SDK1: variants seen among roughly 807,000 people sequenced by gnomAD.
SDK1 encodes protein sidekick-1.
A neutral mutation model predicts 245.5 loss-of-function variants in SDK1; 157 were observed. That is an observed-to-expected ratio of 0.64 (90% confidence interval 0.56 to 0.73). The LOEUF (loss-of-function observed/expected upper bound fraction) is 0.73, where lower values mean the gene tolerates loss of function less well. Among genes scored for constraint, SDK1 ranks in the 30% least tolerant of loss-of-function variants. SDK1 has a pLI of 0.00. For synonymous variants in SDK1, 1,647 were observed against 1,278.5 expected (o/e 1.29, Z -6.15); for missense variants, 3,583 against 3,002.3 (o/e 1.19, Z -4.52).
chr7:3,328,401 A>T (rs1779986547), intron 1 of SDK1, among the ~76,000 whole-genome samples: 1 of 152,092 alleles, frequency 6.6e-6, no homozygotes, highest in East Asian at 1.9e-4. Flanking sequence ...TGATGATTTC[A>T]TTTTAGATCA....
At chr7:3,594,302 C>T (rs1270243291) in intron 1 of SDK1, among the ~76,000 whole-genome samples, 2 of 152,198 alleles carry the variant, frequency 1.3e-5, no homozygotes, top group African/African-American at 4.8e-5. Flanking sequence ...CTTTTTATTG[C>T]AGATTAATAA....
At chr7:3,308,239 A>C (rs896601878) in intron 1 of SDK1, among the ~76,000 whole-genome samples, 4 of 152,152 alleles carry the variant, frequency 2.6e-5, no homozygotes, top group East Asian at 1.9e-4. Context: ...AAGGCTAACA[A>C]ATCTGGAGGT....
chr7:4,262,236 C>T (rs1018132357), intron 44 of SDK1, among the ~76,000 whole-genome samples: 2 of 151,334 alleles, frequency 1.3e-5, no homozygotes, highest in Non-Finnish European at 2.9e-5. Context: ...ACAGGTTTCA[C>T]CGTGTTGGAC....
chr7:4,156,577 G>A (rs2128210521), intron 30 of SDK1, among the ~76,000 whole-genome samples: 1 of 152,356 alleles, frequency 6.6e-6, no homozygotes, highest in Admixed American at 6.5e-5. Context: ...TGAGGTGTGA[G>A]CTGGTAGAGA....
intron 32 of SDK1, among the ~76,000 whole-genome samples, chr7:4,168,885 C>G (rs891224116): frequency 2.6e-5 from 4 of 152,188 alleles, no homozygotes; most frequent in Admixed American, 6.5e-5. Context: ...GGTCTCTCAT[C>G]TTCACTGCCC....
At chr7:3,874,853 T>C (rs1237961557) in intron 5 of SDK1, among the ~76,000 whole-genome samples, 2 of 152,142 alleles carry the variant, frequency 1.3e-5, no homozygotes, top group Non-Finnish European at 2.9e-5. Flanking sequence ...TCCAGGAACA[T>C]AGGGGAGATA....
intron 26 of SDK1, among the ~76,000 whole-genome samples, chr7:4,129,140 G>A (rs1375159759): frequency 7.2e-6 from 1 of 139,718 alleles, no homozygotes; most frequent in East Asian, 2.1e-4. Context: ...CCCTGGAGGA[G>A]AGCAGCTTAG....
At chr7:3,440,589 C>T (rs994768677) in intron 1 of SDK1, among the ~76,000 whole-genome samples, 4 of 152,060 alleles carry the variant, frequency 2.6e-5, no homozygotes, top group African/African-American at 9.7e-5. Context: ...ATAATGACCA[C>T]AAAGTATAGG....
chr7:3,369,596 TCTC>T (rs1370031763), intron 1 of SDK1, among the ~76,000 whole-genome samples: 1 of 152,244 alleles, frequency 6.6e-6, no homozygotes, highest in Non-Finnish European at 1.5e-5. Flanking sequence ...TTCTTTTACA[TCTC>T]CTATTGAAGA....
chr7:3,395,728 G>A (rs562004531), intron 1 of SDK1, among the ~76,000 whole-genome samples: 23 of 151,744 alleles, frequency 1.5e-4, no homozygotes, highest in Non-Finnish European at 3.1e-4. Flanking sequence ...TTGGTCATTC[G>A]TGACTTTTTA....
intron 1 of SDK1, among the ~76,000 whole-genome samples, chr7:3,601,481 T>G (rs940672231): frequency 6.6e-6 from 1 of 152,110 alleles, no homozygotes; most frequent in Non-Finnish European, 1.5e-5. Flanking sequence ...GGTTTCTATC[T>G]TCTAAGCTGT....
intron 13 of SDK1, among the ~76,000 whole-genome samples, chr7:3,979,479 G>C (rs1783226966): frequency 6.6e-6 from 1 of 152,106 alleles, no homozygotes; most frequent in Non-Finnish European, 1.5e-5. Flanking sequence ...GCCTGGACCA[G>C]TGCCAGGTAT....
At chr7:3,931,797 A>C (rs527834594) in intron 5 of SDK1, among the ~76,000 whole-genome samples, 164 of 152,336 alleles carry the variant, frequency 1.1e-3, no homozygotes, top group Non-Finnish European at 1.8e-3. Flanking sequence ...GGTTGAACAG[A>C]GACCAAGTGA....
At chr7:3,974,652 G>A in intron 13 of SDK1, 107 bp downstream of exon 13, 1 of 1,062,578 alleles carries the variant, frequency 9.4e-7, no homozygotes, top group South Asian at 1.6e-5. Context: ...TGTGTCCCAA[G>A]TCAGCGGTCA....
chr7:3,445,049 T>C (rs1780305149), intron 1 of SDK1, among the ~76,000 whole-genome samples: 1 of 152,224 alleles, frequency 6.6e-6, no homozygotes. Flanking sequence ...TAAATTTTGG[T>C]GTATTTATTT....
At chr7:3,652,503 G>T (rs1783041082) in intron 4 of SDK1, among the ~76,000 whole-genome samples, 1 of 152,224 alleles carries the variant, frequency 6.6e-6, no homozygotes, top group Non-Finnish European at 1.5e-5. Flanking sequence ...GATGCATGTG[G>T]TTTGGTAAAC....
chr7:3,338,523 C>T (rs961766758), intron 1 of SDK1: 2 of 431,990 alleles, frequency 4.6e-6, no homozygotes, highest in Non-Finnish European at 8.9e-6. Flanking sequence ...AGCCTGTTCC[C>T]AGAGAAGCAC....
intron 4 of SDK1, among the ~76,000 whole-genome samples, chr7:3,743,138 A>G (rs905307452): frequency 3.9e-5 from 6 of 152,180 alleles, no homozygotes; most frequent in Non-Finnish European, 4.4e-5. Flanking sequence ...ATGGGAGAGT[A>G]ATACGTAAGC....
At chr7:3,676,076 C>A (rs1054744685) in intron 4 of SDK1, among the ~76,000 whole-genome samples, 4 of 152,184 alleles carry the variant, frequency 2.6e-5, no homozygotes, top group African/African-American at 7.2e-5. Context: ...AGCGATTCTT[C>A]CACCTCAGCC....
Sources: gnomAD v4.1 joint callset for allele counts (sites outside exome capture counted in the v4.1 genomes callset) on GRCh38, gnomAD v4.1.1 for gene constraint, MANE v1.5 for transcripts, NCBI Gene and HGNC (gene_info 2026-07-23, HGNC 2026-07-21) for gene names.